The following DIS3L2 variants were observed in gnomAD, a reference collection of about 807,000 sequenced individuals.
DIS3L2 encodes the protein DIS3-like exonuclease 2.
DIS3L2 carries 34 observed loss-of-function variants against 97.5 expected under a neutral mutation model. That is an observed-to-expected ratio of 0.35 (90% CI 0.27 to 0.46). The LOEUF (loss-of-function observed/expected upper bound fraction) is 0.46. Ranked by LOEUF, DIS3L2 falls within the 20% of genes least tolerant of loss-of-function variation. The pLI is 1.00. For missense variants in DIS3L2, 1,038 were observed against 1,146.0 expected, an observed-to-expected ratio of 0.91 and a Z score of 1.36; for synonymous variants, 435 against 445.2, an observed-to-expected ratio of 0.98 and a Z score of 0.29.
At position 232,024,339 on chromosome 2, in the gene DIS3L2, A is replaced by T. The variant is rs745443608; in HGVS notation, c.264+9A>T. On this transcript the variant is annotated intron_variant, in intron 4 of 20. Coordinates refer to ENST00000325385, the MANE Select transcript of DIS3L2 (RefSeq NM_152383.5). ...CCTTCATTCCTTCCCCGGTAAGTTC[A>T]ATAAATTTATAATAAACTTTATGTC... The T allele has an allele frequency of 1.9e-6, 3 of 1,589,494 alleles. No homozygotes were observed. In the Admixed American group the frequency reaches 5.2e-5, roughly 27 times the overall value.
chr2:232,224,417 A>G, intron 10 of DIS3L2, among the ~76,000 whole-genome samples: 1 of 152,256 alleles, frequency 6.6e-6, no homozygotes, highest in East Asian at 1.9e-4. Flanking sequence ...CATAAGAAAA[A>G]TAACCTTATG....
chr2:232,316,077 C>G (rs534157517), intron 14 of DIS3L2, among the ~76,000 whole-genome samples: 1 of 152,222 alleles, frequency 6.6e-6, no homozygotes, highest in Admixed American at 6.5e-5. Context: ...ACCCCGCTCT[C>G]AGCAGCTCCC....
intron 4 of DIS3L2, 120 bp downstream of exon 4, chr2:232,024,450 C>T (rs1694604504): frequency 1.3e-6 from 1 of 771,088 alleles, no homozygotes; most frequent in Non-Finnish European, 2.1e-6. Flanking sequence ...TGACGATGGG[C>T]AAAGATTTGT....
chr2:232,255,693 T>A (rs1459826113), intron 12 of DIS3L2, among the ~76,000 whole-genome samples: 5 of 152,120 alleles, frequency 3.3e-5, no homozygotes, highest in Non-Finnish European at 5.9e-5. Flanking sequence ...ATCAGAATAA[T>A]AAAAGAAGGG....
At chr2:232,115,064 C>A (rs964337507) in intron 6 of DIS3L2, among the ~76,000 whole-genome samples, 4 of 152,030 alleles carry the variant, frequency 2.6e-5, no homozygotes, top group African/African-American at 9.7e-5. Context: ...CCCATGATAA[C>A]CCATTAATCC....
chr2:232,185,322 T>G (rs1205963386), intron 9 of DIS3L2, among the ~76,000 whole-genome samples: 3 of 152,182 alleles, frequency 2.0e-5, no homozygotes, highest in Non-Finnish European at 4.4e-5. Context: ...ACTTGGAAAT[T>G]AAACAACACA....
chr2:231,985,049 A>T (rs1693371756), intron 1 of DIS3L2, among the ~76,000 whole-genome samples: 1 of 152,222 alleles, frequency 6.6e-6, no homozygotes, highest in South Asian at 2.1e-4. Flanking sequence ...CCATCAGGTA[A>T]CTGCACATAC....
At chr2:232,210,486 C>T (rs1477099865) in intron 10 of DIS3L2, 81 bp downstream of exon 10, 1 of 1,316,684 alleles carries the variant, frequency 7.6e-7, no homozygotes, top group African/African-American at 1.5e-5. Context: ...CCTGTGCTGC[C>T]TAGGCAGCAT....
chr2:232,147,126 CTTAATT>C (rs1168404585), intron 8 of DIS3L2, among the ~76,000 whole-genome samples: 1 of 151,806 alleles, frequency 6.6e-6, no homozygotes, highest in Admixed American at 6.6e-5. Flanking sequence ...TTAAAATAAA[CTTAATT>C]TTAATTAATT....
chr2:232,086,026 C>G (rs560401116), intron 5 of DIS3L2, among the ~76,000 whole-genome samples: 1 of 151,828 alleles, frequency 6.6e-6, no homozygotes, highest in Non-Finnish European at 1.5e-5. Flanking sequence ...TTGCCCAGGC[C>G]GGTCTTAAAC....
At chr2:232,175,647 A>G (rs1180550221) in intron 9 of DIS3L2, among the ~76,000 whole-genome samples, 1 of 151,960 alleles carries the variant, frequency 6.6e-6, no homozygotes, top group Non-Finnish European at 1.5e-5. Context: ...GCATGTCTCT[A>G]TAGTTTGGTG....
chr2:232,306,642 G>C (rs530780734), intron 14 of DIS3L2, among the ~76,000 whole-genome samples: 1 of 152,134 alleles, frequency 6.6e-6, no homozygotes, highest in Non-Finnish European at 1.5e-5. Context: ...ACTTAAATAT[G>C]GTCACTCATT....
chr2:232,337,806 G>A (rs191797734), downstream of DIS3L2, among the ~76,000 whole-genome samples: 805 of 151,666 alleles, frequency 5.3e-3, 9 homozygotes, highest in African/African-American at 0.018. Context: ...GCCTCGCAGC[G>A]ACAGTGACTG....
intron 9 of DIS3L2, among the ~76,000 whole-genome samples, chr2:232,193,059 A>G (rs1691660052): frequency 6.6e-6 from 1 of 152,172 alleles, no homozygotes; most frequent in Admixed American, 6.5e-5. Flanking sequence ...CTCCGGGCCC[A>G]TCCAACCAAA....
At chr2:232,020,014 A>G (rs1282066258) in intron 3 of DIS3L2, among the ~76,000 whole-genome samples, 1 of 151,910 alleles carries the variant, frequency 6.6e-6, no homozygotes, top group Admixed American at 6.6e-5. Flanking sequence ...GGAGAAGAAC[A>G]TAGGTGGATA....
At chr2:232,015,403 C>T (rs1694324312) in intron 2 of DIS3L2, 111 bp from the exon 3 acceptor site, 1 of 1,379,020 alleles carries the variant, frequency 7.3e-7, no homozygotes, top group Non-Finnish European at 9.7e-7. Context: ...CAGGGAGTTT[C>T]AGTCTCTTGT....
At chr2:232,078,009 CT>C (rs1315988727) in intron 5 of DIS3L2, among the ~76,000 whole-genome samples, 1 of 102,382 alleles carries the variant, frequency 9.8e-6, no homozygotes, top group South Asian at 3.3e-4. Flanking sequence ...TTCTTTCTTT[CT>C]TTCTTTCTTT....
intron 13 of DIS3L2, among the ~76,000 whole-genome samples, chr2:232,266,066 T>C (rs1693850583): frequency 6.6e-6 from 1 of 152,248 alleles, no homozygotes; most frequent in Admixed American, 6.5e-5. Context: ...GTTTCTGTCA[T>C]AACGTTTTAG....
At chr2:232,019,208 G>A (rs1344781226) in intron 3 of DIS3L2, among the ~76,000 whole-genome samples, 1 of 152,168 alleles carries the variant, frequency 6.6e-6, no homozygotes, top group East Asian at 1.9e-4. Flanking sequence ...CCTAGTCCAG[G>A]AAGATAGAGG....
Sources: allele counts gnomAD v4.1 joint callset (sites outside exome capture counted in the v4.1 genomes callset), GRCh38; gene constraint gnomAD v4.1.1; transcripts MANE v1.5; gene names NCBI Gene and HGNC (gene_info 2026-07-23, HGNC 2026-07-21).